Variants in PPM1L observed in about 807,000 individuals in gnomAD.
PPM1L encodes protein phosphatase 1L.
Under a neutral mutation model 31.4 loss-of-function variants are expected in PPM1L, and 13 were observed. The observed-to-expected ratio is 0.41, with a 90% CI of 0.27 to 0.66. The LOEUF is 0.66. Ranked by LOEUF, PPM1L falls within the 30% of genes least tolerant of loss-of-function variation. PPM1L has a pLI of 0.29. For missense variants in PPM1L, 326 were observed against 453.7 expected, an observed-to-expected ratio of 0.72 and a Z score of 2.56; for synonymous variants, 184 against 175.4, an observed-to-expected ratio of 1.05 and a Z score of -0.39.
intron 1 of PPM1L, among the ~76,000 whole-genome samples, chr3:160,773,608 A>G (rs1711502714): frequency 6.6e-6 from 1 of 152,196 alleles, no homozygotes; most frequent in African/African-American, 2.4e-5. Flanking sequence ...GTTTCCTTAT[A>G]TTCCATGTTA....
At chr3:160,932,317 A>T (rs140100933) in intron 1 of PPM1L, among the ~76,000 whole-genome samples, 1 of 152,354 alleles carries the variant, frequency 6.6e-6, no homozygotes, top group East Asian at 1.9e-4. Flanking sequence ...TTTTATTTTG[A>T]TACAAATTAT....
At chr3:160,984,035 G>A (rs570831690) in intron 2 of PPM1L, among the ~76,000 whole-genome samples, 25 of 152,254 alleles carry the variant, frequency 1.6e-4, no homozygotes, top group East Asian at 7.7e-4. Context: ...TCCGTGTCCC[G>A]CTGTGTATGC....
intron 2 of PPM1L, among the ~76,000 whole-genome samples, chr3:160,975,854 A>T (rs1352275162): frequency 1.3e-5 from 2 of 148,330 alleles, no homozygotes; most frequent in African/African-American, 2.5e-5. Flanking sequence ...TCCTAATTGA[A>T]TACCCTTTAT....
At position 160,756,521 on chromosome 3, in the gene PPM1L, A is replaced by G; in HGVS notation, c.213A>G (p.Arg71=). 1 of 1,613,908 alleles carries G rather than the reference A, an allele frequency of 6.2e-7. No homozygotes were observed. Among genetic ancestry groups the G allele is most frequent in the Non-Finnish European group, 8.5e-7 (1 of 1,179,970 alleles). ...GKVAEIMQND[R]LGGLDVLEAE... is the part of the protein sequence containing the mutation. ...TAGCCGAGATCATGCAGAACGATCGACTCGGGGGGCTTGATGTGCTCGAGG... is the reference window on the plus strand; with the variant it reads ...TAGCCGAGATCATGCAGAACGATCGGCTCGGGGGGCTTGATGTGCTCGAGG... The change falls in exon 1 of 4, where the codon CGA becomes CGG. Residue 71 remains arginine (R), a synonymous_variant. Transcript: ENST00000498165. The surrounding 1 kb of genome is among the most constrained non-coding windows in gnomAD (Gnocchi z 6.2).
At chr3:161,019,995 G>A (rs565837970) in intron 2 of PPM1L, among the ~76,000 whole-genome samples, 3 of 151,886 alleles carry the variant, frequency 2.0e-5, no homozygotes, top group East Asian at 1.9e-4. Context: ...GTGTGGTGGC[G>A]TGTGCCTGTA....
Position 161,075,067 on chromosome 3 carries a change from G to A in PPM1L, c.*5910G>A, listed in dbSNP as rs1357192136. ...CAGATTGTGGTGGAGAGAGGGCTGA[G>A]TGACCCAGAGCAAAGCCTGCCCGGG... On this transcript the variant is annotated 3_prime_UTR_variant, in exon 4 of 4. Coordinates refer to ENST00000498165, the MANE Select transcript of PPM1L (RefSeq NM_139245.4). 2 of 152,134 alleles carry A rather than the reference G, an allele frequency of 1.3e-5. No homozygotes were observed. The highest frequency in any genetic ancestry group is 2.9e-5 in the Non-Finnish European group (2 of 68,044). 9.4% of individuals were successfully genotyped at this position (152,134 alleles called of 1,614,324 possible). A position where few individuals can be genotyped will look rare whatever the true frequency, so the allele number is the denominator to read the frequency against.
chr3:161,044,473 G>A (rs1413033477), intron 2 of PPM1L, among the ~76,000 whole-genome samples: 1 of 151,672 alleles, frequency 6.6e-6, no homozygotes, highest in Non-Finnish European at 1.5e-5. Flanking sequence ...GACCAGCTGG[G>A]TGCAACTCTA....
At chr3:160,826,516 CT>C (rs1713360576) in intron 1 of PPM1L, among the ~76,000 whole-genome samples, 1 of 152,114 alleles carries the variant, frequency 6.6e-6, no homozygotes, top group Non-Finnish European at 1.5e-5. Context: ...AAAAATGTCA[CT>C]GTTAAGCAGA....
intron 1 of PPM1L, among the ~76,000 whole-genome samples, chr3:160,793,878 A>G (rs1014847721): frequency 6.6e-6 from 1 of 152,224 alleles, no homozygotes; most frequent in Admixed American, 6.5e-5. Context: ...CTGATTGTCA[A>G]GACAACTGAA....
At chr3:160,970,662 T>C (rs1716300532) in intron 2 of PPM1L, among the ~76,000 whole-genome samples, 1 of 151,972 alleles carries the variant, frequency 6.6e-6, no homozygotes, top group African/African-American at 2.4e-5. Context: ...TTTCACCATG[T>C]TTGCCAGTTG....
At chr3:160,775,887 C>T (rs1272764817) in intron 1 of PPM1L, among the ~76,000 whole-genome samples, 1 of 152,094 alleles carries the variant, frequency 6.6e-6, no homozygotes, top group Admixed American at 6.5e-5. Context: ...GTAAATGAAC[C>T]ATATCAGCTG....
At chr3:161,013,246 A>G (rs1225221640) in intron 2 of PPM1L, among the ~76,000 whole-genome samples, 1 of 152,214 alleles carries the variant, frequency 6.6e-6, no homozygotes, top group East Asian at 1.9e-4. Context: ...TTGGTTTCAA[A>G]GAACATCTTT....
intron 2 of PPM1L, among the ~76,000 whole-genome samples, chr3:161,063,348 C>G (rs548205253): frequency 6.6e-6 from 1 of 151,922 alleles, no homozygotes; most frequent in Admixed American, 6.5e-5. Context: ...CCCCCAAGGC[C>G]TTTTGTATTA....
rs1424349485 is a variant in PPM1L, at chr3:160,944,882, A to ATGT, written c.400-16853_400-16852insGTT. ...TTATATATAATGTTATATATAACAT[A>ATGT]TATATTATATATAACTGATGTTACA... On this transcript the variant is annotated intron_variant, in intron 1 of 3. Coordinates refer to ENST00000498165, the MANE Select transcript of PPM1L (RefSeq NM_139245.4). Among the ~76,000 whole-genome samples, 15 of 56,674 alleles carry ATGT rather than the reference A, an allele frequency of 2.6e-4. 1 individual carries two copies. Among genetic ancestry groups the ATGT allele is most frequent in the African/African-American group, 4.9e-4 (8 of 16,348 alleles). The allele number at this position is 56,674 out of a possible 152,430, so 37.2% of individuals were successfully genotyped here. A position where few individuals can be genotyped will look rare whatever the true frequency, so the allele number is the denominator to read the frequency against.
intron 1 of PPM1L, among the ~76,000 whole-genome samples, chr3:160,795,816 G>A (rs1193240025): frequency 6.6e-6 from 1 of 152,170 alleles, no homozygotes. Flanking sequence ...TAGGAAGACT[G>A]CAAACTTACC....
chr3:160,950,306 A>C (rs963331198), intron 1 of PPM1L, among the ~76,000 whole-genome samples: 1 of 152,212 alleles, frequency 6.6e-6, no homozygotes, highest in Non-Finnish European at 1.5e-5. Context: ...AAGAGCTGGC[A>C]TTAACCGAAG....
chr3:161,022,666 T>C (rs553851795), intron 2 of PPM1L, among the ~76,000 whole-genome samples: 17 of 140,428 alleles, frequency 1.2e-4, no homozygotes, highest in Non-Finnish European at 6.2e-5. Context: ...TCTTTTTTTT[T>C]TTTTTTTTTT....
intron 2 of PPM1L, among the ~76,000 whole-genome samples, chr3:160,980,713 AAAGAG>A (rs1381838358): frequency 6.1e-5 from 2 of 32,934 alleles, no homozygotes; most frequent in Non-Finnish European, 2.2e-4. Context: ...AGAGAAAAAA[AAAGAG>A]AGAGAGAGAG....
At chr3:160,975,000 T>C (rs1716514303) in intron 2 of PPM1L, among the ~76,000 whole-genome samples, 1 of 152,082 alleles carries the variant, frequency 6.6e-6, no homozygotes, top group African/African-American at 2.4e-5. Flanking sequence ...GTTTTTATGG[T>C]TTTAGGTCTA....
Sources: allele counts gnomAD v4.1 joint callset (sites outside exome capture counted in the v4.1 genomes callset), GRCh38; gene constraint gnomAD v4.1.1; non-coding constraint Gnocchi (gnomAD v3.1); transcripts MANE v1.5; gene names NCBI Gene and HGNC (gene_info 2026-07-23, HGNC 2026-07-21).